The following MIPEP variants were observed in gnomAD, a reference collection of about 807,000 sequenced individuals.
MIPEP encodes mitochondrial intermediate peptidase.
A neutral mutation model predicts 90.3 loss-of-function variants in MIPEP; 79 were observed. The observed-to-expected ratio is 0.87, with a 90% CI of 0.73 to 1.05. MIPEP has a LOEUF of 1.05. Among genes scored for constraint, MIPEP ranks in the 50% least tolerant of loss-of-function variants. The probability of loss-of-function intolerance (pLI) is 0.00; values close to 1 mark genes in which losing one functional copy is unlikely to be tolerated. For synonymous variants in MIPEP, 334 were observed against 315.8 expected (o/e 1.06, Z -0.61); for missense variants, 940 against 905.6 (o/e 1.04, Z -0.49).
intron 14 of MIPEP, among the ~76,000 whole-genome samples, chr13:23,831,548 C>T (rs1398909572): frequency 2.0e-5 from 3 of 152,158 alleles, no homozygotes; most frequent in African/African-American, 7.2e-5. Context: ...TGGTGAGAGC[C>T]TTGTGCTGCA....
At chr13:23,756,835 A>G in intron 17 of MIPEP, 1 of 554,056 alleles carries the variant, frequency 1.8e-6, no homozygotes, top group Non-Finnish European at 3.2e-6. Context: ...CTGTAAGAGG[A>G]TAACTATACT....
intron 14 of MIPEP, among the ~76,000 whole-genome samples, chr13:23,811,034 TG>T (rs1341309782): frequency 6.6e-6 from 1 of 152,208 alleles, no homozygotes; most frequent in East Asian, 1.9e-4. Context: ...GTCACAGGCC[TG>T]GGGCTTTCTG....
chr13:23,801,415 T>C (rs964302895), intron 16 of MIPEP, among the ~76,000 whole-genome samples: 4 of 152,214 alleles, frequency 2.6e-5, no homozygotes, highest in Admixed American at 2.0e-4. Flanking sequence ...ATTCTTGGCA[T>C]ACCCCATACC....
Position 23,858,895 on chromosome 13 carries a change from G to T in MIPEP, c.1071C>A (p.Asp357Glu). The T allele has an allele frequency of 6.2e-7, 1 of 1,613,412 alleles. No individual in the cohort carries two copies. Among genetic ancestry groups the T allele is most frequent in the Non-Finnish European group, 8.5e-7 (1 of 1,179,512 alleles). ...GAATCACACCACTGTAGTAAGGGGG[G>T]TCCCAGGGCATTACTTCCTACAATG... is the stretch of plus-strand genomic sequence containing the variant. ...NPQNSEVMPW[D>E]PPYYSGVIRA... The change falls in exon 10 of 19, where the codon GAC becomes GAA. Residue 357 changes from aspartate to glutamate, a missense_variant. Coordinates refer to ENST00000382172, the MANE Select transcript of MIPEP (RefSeq NM_005932.4).
At chr13:23,816,145 T>G (rs1953234282) in intron 14 of MIPEP, among the ~76,000 whole-genome samples, 1 of 152,236 alleles carries the variant, frequency 6.6e-6, no homozygotes, top group African/African-American at 2.4e-5. Context: ...TTCTGATTGT[T>G]TGTCCTGCTT....
chr13:23,738,301 T>A (rs945774591), intron 18 of MIPEP, among the ~76,000 whole-genome samples: 1 of 152,196 alleles, frequency 6.6e-6, no homozygotes, highest in Non-Finnish European at 1.5e-5. Flanking sequence ...TAAAATACTA[T>A]GAAGTTTTTT....
chr13:23,870,542 C>A (rs559051588), intron 5 of MIPEP, among the ~76,000 whole-genome samples: 1 of 152,082 alleles, frequency 6.6e-6, no homozygotes. Context: ...CAGTGACTCA[C>A]GCCTGTAATC....
chr13:23,881,582 C>G, intron 3 of MIPEP, 117 bp downstream of exon 3: 1 of 852,776 alleles, frequency 1.2e-6, no homozygotes, highest in East Asian at 2.7e-5. Flanking sequence ...GTCACACACA[C>G]CTCCCACCCT....
intron 14 of MIPEP, among the ~76,000 whole-genome samples, chr13:23,811,764 C>G (rs1293685816): frequency 6.6e-6 from 1 of 152,184 alleles, no homozygotes; most frequent in African/African-American, 2.4e-5. Context: ...ACCCACCTCC[C>G]AACCAGAAAC....
intron 15 of MIPEP, among the ~76,000 whole-genome samples, chr13:23,807,522 A>G (rs548231234): frequency 6.6e-6 from 1 of 152,366 alleles, no homozygotes; most frequent in South Asian, 2.1e-4. Flanking sequence ...TCTAAATTAT[A>G]AAGTTAAGTT....
intron 13 of MIPEP, among the ~76,000 whole-genome samples, chr13:23,836,893 A>G (rs1869078745): frequency 6.6e-6 from 1 of 152,230 alleles, no homozygotes; most frequent in Non-Finnish European, 1.5e-5. Flanking sequence ...GCCCACCTAC[A>G]GTCTTTTCAA....
At chr13:23,749,647 C>A (rs553907772) in intron 18 of MIPEP, among the ~76,000 whole-genome samples, 2 of 152,254 alleles carry the variant, frequency 1.3e-5, no homozygotes, top group Admixed American at 6.5e-5. Flanking sequence ...CTCGCAGTGG[C>A]CGAATTGCAT....
intron 14 of MIPEP, among the ~76,000 whole-genome samples, chr13:23,822,983 C>T (rs1953327153): frequency 6.6e-6 from 1 of 151,670 alleles, no homozygotes; most frequent in African/African-American, 2.4e-5. Flanking sequence ...CTGGGCGCTT[C>T]CTGGAAATAC....
At chr13:23,885,620 C>T (rs2137543058) in intron 2 of MIPEP, among the ~76,000 whole-genome samples, 1 of 151,504 alleles carries the variant, frequency 6.6e-6, no homozygotes. Context: ...TTTGCTATCT[C>T]AGCAATGGAT....
Position 23,809,860 on chromosome 13 carries a change from A to C in MIPEP, c.1718T>G (p.Met573Arg), listed in dbSNP as rs199879424. The change falls in exon 15 of 19, where the codon ATG becomes AGG. Residue 573 changes from methionine to arginine, a missense_variant. Transcript: ENST00000382172. ...ESKKVCAAAD[M>R]QLQVFYATLD... ...AAGGTACATACATACCTGAAGTTGCATATCAGCTGCAGCACAAACCTTTTT... is the reference window on the plus strand; with the variant it reads ...AAGGTACATACATACCTGAAGTTGCCTATCAGCTGCAGCACAAACCTTTTT... 1 of 1,612,506 alleles carries C rather than the reference A, an allele frequency of 6.2e-7. No homozygotes were observed. The highest frequency in any genetic ancestry group is 1.1e-5 in the South Asian group (1 of 90,930).
chr13:23,844,831 A>C (rs1197531469), intron 10 of MIPEP, among the ~76,000 whole-genome samples: 1 of 152,220 alleles, frequency 6.6e-6, no homozygotes, highest in Non-Finnish European at 1.5e-5. Flanking sequence ...ATCTTGGAAA[A>C]AAAATTTAAG....
intron 18 of MIPEP, among the ~76,000 whole-genome samples, chr13:23,736,383 G>A (rs1952263866): frequency 6.6e-6 from 1 of 152,136 alleles, no homozygotes; most frequent in Admixed American, 6.5e-5. Flanking sequence ...TATATAAAGA[G>A]TAGTTAAAGA....
At chr13:23,811,773 ACAGACT>A (rs1953174007) in intron 14 of MIPEP, among the ~76,000 whole-genome samples, 1 of 152,184 alleles carries the variant, frequency 6.6e-6, no homozygotes, top group African/African-American at 2.4e-5. Flanking sequence ...CCAACCAGAA[ACAGACT>A]CAGCTGTGCA....
intron 16 of MIPEP, among the ~76,000 whole-genome samples, chr13:23,784,007 G>A (rs541871359): frequency 2.0e-5 from 3 of 152,184 alleles, no homozygotes; most frequent in East Asian, 1.9e-4. Flanking sequence ...AATCAATATC[G>A]TGAAAATGGC....
Sources: gnomAD v4.1 joint callset for allele counts (sites outside exome capture counted in the v4.1 genomes callset) on GRCh38, gnomAD v4.1.1 for gene constraint, MANE v1.5 for transcripts, NCBI Gene and HGNC (gene_info 2026-07-23, HGNC 2026-07-21) for gene names.